Variants in APP observed in about 807,000 individuals in gnomAD.
APP encodes amyloid-beta precursor protein.
APP carries 31 observed loss-of-function variants against 101.4 expected under a neutral mutation model. That is an observed-to-expected ratio of 0.31 (90% CI 0.23 to 0.41). The LOEUF (loss-of-function observed/expected upper bound fraction) is 0.41, where lower values mean the gene tolerates loss of function less well. APP is among the 10% of genes least tolerant of loss of function. The pLI, the probability that APP is intolerant of heterozygous loss-of-function variation, is 1.00. For missense variants in APP, 839 were observed against 1,003.7 expected (o/e 0.84, Z 2.22); for synonymous variants, 366 against 364.4 (o/e 1.00, Z -0.05).
intron 13 of APP, among the ~76,000 whole-genome samples, chr21:25,916,007 G>T (rs1426905481): frequency 1.3e-5 from 2 of 151,148 alleles, no homozygotes; most frequent in African/African-American, 4.9e-5. Context: ...AAAATAGGAA[G>T]AAATCCACAT....
intron 17 of APP, among the ~76,000 whole-genome samples, chr21:25,891,141 G>A (rs574240019): frequency 1.3e-5 from 2 of 152,262 alleles, no homozygotes; most frequent in Admixed American, 1.3e-4. Flanking sequence ...AGGTGGAAGT[G>A]CAGGGTAATA....
At chr21:26,141,813 A>T (rs531296216) in intron 1 of APP, among the ~76,000 whole-genome samples, 1 of 152,362 alleles carries the variant, frequency 6.6e-6, no homozygotes, top group South Asian at 2.1e-4. Context: ...AAAAGAAATA[A>T]TATCAACAGT....
intron 13 of APP, among the ~76,000 whole-genome samples, chr21:25,927,268 T>C (rs1437367634): frequency 6.6e-6 from 1 of 152,042 alleles, no homozygotes; most frequent in Non-Finnish European, 1.5e-5. Flanking sequence ...CAATAGCACT[T>C]TCCTCCCAGA....
chr21:26,145,921 TA>T (rs11315998), intron 1 of APP, among the ~76,000 whole-genome samples: 53,568 of 152,094 alleles, frequency 0.35, 9,976 homozygotes, highest in African/African-American at 0.49. Flanking sequence ...AAGAGTTTTT[TA>T]AAGGCTTGCT....
intron 13 of APP, chr21:25,935,400 C>A (rs2040317700): frequency 6.6e-6 from 1 of 152,090 alleles, no homozygotes; most frequent in African/African-American, 2.4e-5. Flanking sequence ...TGTTTAGTAG[C>A]AACATTAGGT....
At chr21:26,019,759 T>G (rs915440338) in intron 6 of APP, among the ~76,000 whole-genome samples, 4 of 152,240 alleles carry the variant, frequency 2.6e-5, no homozygotes, top group Non-Finnish European at 4.4e-5. Context: ...TGCTGTAATT[T>G]GTATTCACAC....
At chr21:26,140,368 C>A (rs1455835095) in intron 1 of APP, 2 of 1,489,942 alleles carry the variant, frequency 1.3e-6, no homozygotes, top group Non-Finnish European at 8.9e-7. Context: ...ACTTCTACCA[C>A]GCACAGCAAG....
At chr21:25,965,858 C>T (rs2041777021) in intron 11 of APP, among the ~76,000 whole-genome samples, 1 of 152,066 alleles carries the variant, frequency 6.6e-6, no homozygotes, top group Non-Finnish European at 1.5e-5. Flanking sequence ...ATAAAATGAA[C>T]ATATATATTA....
intron 13 of APP, among the ~76,000 whole-genome samples, chr21:25,939,162 C>G (rs190623975): frequency 3.3e-5 from 5 of 152,254 alleles, no homozygotes; most frequent in African/African-American, 1.2e-4. Context: ...ATCTGAAAAC[C>G]AGGAGGGTTT....
intron 3 of APP, among the ~76,000 whole-genome samples, chr21:26,076,009 T>C (rs1443539603): frequency 1.3e-5 from 2 of 152,192 alleles, no homozygotes; most frequent in African/African-American, 4.8e-5. Flanking sequence ...TTCTCCTGCC[T>C]CAGCCTCCTG....
At chr21:26,014,520 C>G (rs1203613635) in intron 6 of APP, among the ~76,000 whole-genome samples, 1 of 152,172 alleles carries the variant, frequency 6.6e-6, no homozygotes, top group Non-Finnish European at 1.5e-5. Flanking sequence ...TAGGTGAAAA[C>G]TTTTGTTCCG....
chr21:26,112,223 A>G, intron 1 of APP, 77 bp from the exon 2 acceptor site: 1 of 1,471,242 alleles, frequency 6.8e-7, no homozygotes. Context: ...AGGGATAACT[A>G]TCAAAAAGAG....
Position 26,166,001 on chromosome 21 carries a change from A to G in APP, c.57+4563T>C, listed in dbSNP as rs537627683. 3.3e-5 allele frequency among the ~76,000 whole-genome samples: 5 copies of G among 152,334 alleles called. No homozygotes were observed. The South Asian group carries it at 1.0e-3, about 32-fold the overall frequency. Reference sequence around the variant, plus strand: ...TTCTACTTCTGAAGAGGTACCACTCAAGCATAATAATAATCTATAACCAAG... The same window carrying G: ...TTCTACTTCTGAAGAGGTACCACTCGAGCATAATAATAATCTATAACCAAG... On this transcript the variant is annotated intron_variant, in intron 1 of 17. Transcript: ENST00000346798.
At position 26,170,735 on chromosome 21, in the gene APP, C is replaced by T. The variant is rs1601619465; in HGVS notation, c.-115G>A. 9.2e-7 allele frequency: 1 copy of T among 1,092,602 alleles called. No individual in the cohort carries two copies. The highest frequency in any genetic ancestry group is 1.2e-6 in the Non-Finnish European group (1 of 810,118). 67.7% of individuals were successfully genotyped at this position (1,092,602 alleles called of 1,614,324 possible). ...CCCGGGGCCCCCGCGCACGCTCCTC[C>T]GCGTGCTCTCGCCTACCGCTGCCGA... On this transcript the variant is annotated 5_prime_UTR_variant, in exon 1 of 18. Coordinates refer to ENST00000346798, the MANE Select transcript of APP (RefSeq NM_000484.4).
intron 16 of APP, 84 bp downstream of exon 16, chr21:25,897,489 G>T: frequency 9.5e-7 from 1 of 1,048,268 alleles, no homozygotes; most frequent in South Asian, 1.3e-5. Flanking sequence ...TCCTTAATTT[G>T]ATTTCTAGCA....
chr21:26,128,125 C>G, intron 1 of APP, among the ~76,000 whole-genome samples: 1 of 152,230 alleles, frequency 6.6e-6, no homozygotes, highest in East Asian at 1.9e-4. Flanking sequence ...TGCAAGACGT[C>G]TGCCTGCCAA....
chr21:26,007,756 C>T (rs910963235), intron 6 of APP, among the ~76,000 whole-genome samples: 6 of 151,878 alleles, frequency 4.0e-5, no homozygotes, highest in Non-Finnish European at 8.8e-5. Context: ...TTTTTAAGAA[C>T]GTGATTTTCC....
At chr21:25,883,104 A>G (rs776457754) in intron 17 of APP, among the ~76,000 whole-genome samples, 1 of 152,168 alleles carries the variant, frequency 6.6e-6, no homozygotes, top group African/African-American at 2.4e-5. Context: ...AATTCAGACT[A>G]AAAGATCTGT....
At chr21:26,027,634 G>C (rs73163778) in intron 5 of APP, among the ~76,000 whole-genome samples, 27,493 of 151,982 alleles carry the variant, frequency 0.18, 2,935 homozygotes, top group South Asian at 0.27. Flanking sequence ...CAGGGGAAAG[G>C]CCAGTAACTG....
Sources: allele counts gnomAD v4.1 joint callset (sites outside exome capture counted in the v4.1 genomes callset), GRCh38; gene constraint gnomAD v4.1.1; transcripts MANE v1.5; gene names NCBI Gene and HGNC (gene_info 2026-07-23, HGNC 2026-07-21).